Variants in USP13 observed in about 807,000 individuals in gnomAD.
The protein encoded by USP13 is ubiquitin specific peptidase 13, also known as ubiquitin carboxyl-terminal hydrolase 13.
A neutral mutation model predicts 107.8 loss-of-function variants in USP13; 68 were observed. That is an observed-to-expected ratio of 0.63 (90% CI 0.52 to 0.77). The LOEUF (loss-of-function observed/expected upper bound fraction) is 0.77. USP13 is among the 30% of genes least tolerant of loss of function. The pLI is 0.00. For missense variants in USP13, 945 were observed against 1,093.3 expected (o/e 0.86, Z 1.91); for synonymous variants, 377 against 389.5 (o/e 0.97, Z 0.38).
intron 1 of USP13, among the ~76,000 whole-genome samples, chr3:179,672,801 C>T (rs1390755526): frequency 6.6e-6 from 1 of 152,208 alleles, no homozygotes; most frequent in African/African-American, 2.4e-5. Context: ...TATTTCTTGA[C>T]TTTCTTCTGA....
At chr3:179,685,776 T>C (rs1711851179) in intron 2 of USP13, among the ~76,000 whole-genome samples, 2 of 152,244 alleles carry the variant, frequency 1.3e-5, no homozygotes, top group South Asian at 4.1e-4. Context: ...TGTTTCACTC[T>C]CTGACCAAAA....
chr3:179,763,448 C>T (rs1280675278), intron 17 of USP13, among the ~76,000 whole-genome samples: 1 of 152,128 alleles, frequency 6.6e-6, no homozygotes, highest in Non-Finnish European at 1.5e-5. Context: ...TCCAGTTGTC[C>T]CAGCATCATT....
chr3:179,772,555 G>A (rs898586082), intron 19 of USP13, among the ~76,000 whole-genome samples: 1 of 152,190 alleles, frequency 6.6e-6, no homozygotes, highest in African/African-American at 2.4e-5. Flanking sequence ...GGGGCAAAAG[G>A]TACAGCTCCC....
intron 8 of USP13, among the ~76,000 whole-genome samples, chr3:179,729,789 G>A (rs544795263): frequency 1.3e-5 from 2 of 152,264 alleles, no homozygotes; most frequent in South Asian, 2.1e-4. Context: ...CACTGTCATC[G>A]AGGTGGTGAT....
rs571700671 is a variant in USP13, at chr3:179,757,937, A to C, written c.1948+859A>C. Among the ~76,000 whole-genome samples, 14 of 152,294 alleles carry C rather than the reference A, an allele frequency of 9.2e-5. No homozygotes were observed. The South Asian group carries it at 2.7e-3, about 29-fold the overall frequency. On this transcript the variant is annotated intron_variant, in intron 16 of 20. Transcript: ENST00000263966. ...TACTGTTCCCACTGCGAATAATCTA[A>C]TTGTAATAGCCACTGCTAAAGTTTT...
intron 8 of USP13, among the ~76,000 whole-genome samples, chr3:179,725,769 G>C (rs1367639503): frequency 6.6e-6 from 1 of 152,244 alleles, no homozygotes; most frequent in Admixed American, 6.5e-5. Context: ...TTGTGCTGGA[G>C]ATGCAGTGAT....
At chr3:179,754,589 C>G (rs1714722077) in intron 14 of USP13, 143 bp from the exon 15 acceptor site, 2 of 1,140,130 alleles carry the variant, frequency 1.8e-6, no homozygotes, top group Admixed American at 3.1e-5. Flanking sequence ...TCTTCATGAA[C>G]CTGCTGGTCG....
intron 2 of USP13, 25 bp downstream of exon 2, chr3:179,682,028 T>C (rs1385736013): frequency 1.2e-6 from 2 of 1,604,100 alleles, no homozygotes; most frequent in South Asian, 1.1e-5. Context: ...TTCAGAGAAC[T>C]GGCCTTGATG....
At chr3:179,717,594 G>C (rs1713151310) in intron 6 of USP13, among the ~76,000 whole-genome samples, 1 of 152,144 alleles carries the variant, frequency 6.6e-6, no homozygotes, top group African/African-American at 2.4e-5. Context: ...ATCATTAGAG[G>C]CTTAAAGTCT....
intron 19 of USP13, among the ~76,000 whole-genome samples, chr3:179,770,443 C>T (rs945940002): frequency 1.3e-5 from 2 of 152,096 alleles, no homozygotes; most frequent in African/African-American, 4.8e-5. Context: ...TATAAAGGTA[C>T]CGATTTTGTA....
intron 3 of USP13, 29 bp downstream of exon 3, chr3:179,690,330 T>C: frequency 6.2e-7 from 1 of 1,606,146 alleles, no homozygotes; most frequent in South Asian, 1.1e-5. Context: ...CATGCTCAGA[T>C]TTTGTGTTTG....
chr3:179,750,326 GTATATA>G (rs569602060), intron 13 of USP13, among the ~76,000 whole-genome samples: 1 of 75,852 alleles, frequency 1.3e-5, no homozygotes, highest in African/African-American at 3.9e-5. Context: ...ATATATGTGT[GTATATA>G]TATATATATA....
chr3:179,666,762 T>G (rs1481794961), intron 1 of USP13, among the ~76,000 whole-genome samples: 2 of 152,010 alleles, frequency 1.3e-5, no homozygotes, highest in Non-Finnish European at 2.9e-5. Flanking sequence ...GAGAAACTGC[T>G]CTTTTCCCCA....
chr3:179,662,539 A>G (rs1471518266), intron 1 of USP13, among the ~76,000 whole-genome samples: 1 of 152,140 alleles, frequency 6.6e-6, no homozygotes, highest in East Asian at 1.9e-4. Flanking sequence ...CTTTAGTGCT[A>G]TAGCTTATGT....
chr3:179,705,748 G>A (rs181290111), intron 4 of USP13, among the ~76,000 whole-genome samples: 98 of 151,872 alleles, frequency 6.5e-4, no homozygotes, highest in African/African-American at 2.3e-3. Context: ...TTGAGACAGG[G>A]TTTCTCTCCT....
intron 19 of USP13, among the ~76,000 whole-genome samples, chr3:179,774,719 G>C (rs1015448200): frequency 1.3e-5 from 2 of 152,184 alleles, no homozygotes; most frequent in Non-Finnish European, 2.9e-5. Context: ...GACCCAAGCA[G>C]GTTGCCACTG....
chr3:179,715,075 T>G (rs1299110469), intron 6 of USP13, among the ~76,000 whole-genome samples: 2 of 151,688 alleles, frequency 1.3e-5, no homozygotes, highest in African/African-American at 4.8e-5. Flanking sequence ...AGAAATGGAG[T>G]CTTACTATGT....
chr3:179,728,768 T>C (rs1267046373), intron 8 of USP13, among the ~76,000 whole-genome samples: 2 of 152,068 alleles, frequency 1.3e-5, no homozygotes. Context: ...TCACTCGCGG[T>C]TAGGGGCTGG....
chr3:179,745,344 T>C, intron 13 of USP13, 127 bp downstream of exon 13: 1 of 1,199,556 alleles, frequency 8.3e-7, no homozygotes, highest in East Asian at 2.5e-5. Flanking sequence ...ATGGATGGGA[T>C]TATGGTTCAC....
Sources: allele counts gnomAD v4.1 joint callset (sites outside exome capture counted in the v4.1 genomes callset), GRCh38; gene constraint gnomAD v4.1.1; transcripts MANE v1.5; gene names NCBI Gene and HGNC (gene_info 2026-07-23, HGNC 2026-07-21).